UBE2E2: variants seen among roughly 807,000 people sequenced by gnomAD.
UBE2E2 encodes ubiquitin-conjugating enzyme E2 E2.
Under a neutral mutation model 24.7 loss-of-function variants are expected in UBE2E2, and 6 were observed. That is an observed-to-expected ratio of 0.24 (90% confidence interval 0.13 to 0.48). The LOEUF is 0.48. Among genes scored for constraint, UBE2E2 ranks in the 20% least tolerant of loss-of-function variants. UBE2E2 has a pLI of 0.99. For synonymous variants in UBE2E2, 104 were observed against 83.6 expected (o/e 1.24, Z -1.33); for missense variants, 169 against 245.0 (o/e 0.69, Z 2.07).
At chr3:23,560,392 G>A (rs1311110977) in intron 5 of UBE2E2, among the ~76,000 whole-genome samples, 1 of 152,116 alleles carries the variant, frequency 6.6e-6, no homozygotes, top group Admixed American at 6.5e-5. Context: ...CAAAGGACAT[G>A]AACTCATCCT....
chr3:23,283,146 A>G (rs921087833), intron 3 of UBE2E2, among the ~76,000 whole-genome samples: 1 of 152,124 alleles, frequency 6.6e-6, no homozygotes, highest in African/African-American at 2.4e-5. Context: ...ACCTTCCTGC[A>G]CTTGCTCCTG....
At chr3:23,234,224 T>G (rs1283340195) in intron 3 of UBE2E2, among the ~76,000 whole-genome samples, 2 of 152,060 alleles carry the variant, frequency 1.3e-5, no homozygotes, top group African/African-American at 4.8e-5. Flanking sequence ...TTTCTTTTTT[T>G]ATTCTCCAGT....
intron 3 of UBE2E2, among the ~76,000 whole-genome samples, chr3:23,457,287 G>GTTT (rs1698700348): frequency 6.6e-6 from 1 of 152,106 alleles, no homozygotes; most frequent in African/African-American, 2.4e-5. Context: ...GATCCAACTG[G>GTTT]TTTTTCTGGG....
chr3:23,534,556 A>C (rs1214976992), intron 5 of UBE2E2, among the ~76,000 whole-genome samples: 1 of 152,228 alleles, frequency 6.6e-6, no homozygotes, highest in Non-Finnish European at 1.5e-5. Context: ...TTAGTTTATC[A>C]CACTTTTTAA....
At chr3:23,468,818 A>G (rs902240770) in intron 3 of UBE2E2, among the ~76,000 whole-genome samples, 1 of 152,214 alleles carries the variant, frequency 6.6e-6, no homozygotes, top group Non-Finnish European at 1.5e-5. Context: ...CCTCATCTCT[A>G]AATTTAGCGT....
chr3:23,433,770 G>A (rs527698454), intron 3 of UBE2E2, among the ~76,000 whole-genome samples: 1 of 151,964 alleles, frequency 6.6e-6, no homozygotes, highest in East Asian at 1.9e-4. Context: ...TGGCCCATCA[G>A]TGATCTCTTT....
intron 4 of UBE2E2, among the ~76,000 whole-genome samples, chr3:23,516,409 C>T (rs1694742297): frequency 6.6e-6 from 1 of 152,118 alleles, no homozygotes; most frequent in African/African-American, 2.4e-5. Flanking sequence ...TTACCTTACT[C>T]AGTTGGTATT....
chr3:23,369,834 G>A (rs1173167049), intron 3 of UBE2E2, among the ~76,000 whole-genome samples: 1 of 152,040 alleles, frequency 6.6e-6, no homozygotes, highest in African/African-American at 2.4e-5. Flanking sequence ...TTATAATTCT[G>A]GTCTAGTGTG....
intron 3 of UBE2E2, among the ~76,000 whole-genome samples, chr3:23,400,616 A>ACACACACACACACACATACT (rs1226074312): frequency 8.9e-4 from 134 of 150,856 alleles, no homozygotes; most frequent in African/African-American, 1.3e-3. Flanking sequence ...AAACACACAC[A>ACACACACACACACACATACT]CACACACACA....
chr3:23,285,249 T>A (rs1269264325), intron 3 of UBE2E2, among the ~76,000 whole-genome samples: 1 of 152,222 alleles, frequency 6.6e-6, no homozygotes, highest in East Asian at 1.9e-4. Context: ...CCGTTGTGTA[T>A]GTGTCCATTT....
rs550945017 is a variant in UBE2E2 at position 23,258,753 on chromosome 3, C to T, written c.227+41441C>T. Among the ~76,000 whole-genome samples, 430 of 151,636 alleles carry T rather than the reference C, an allele frequency of 2.8e-3. 6 individuals are homozygous for T. Among genetic ancestry groups the T allele is most frequent in the South Asian group, 7.9e-3 (38 of 4,782 alleles). Reference sequence around the variant, plus strand: ...CTAAAAATACAAAAAATTAGCCGGGCGTGGTGGCGGGCGCCTGTAGTCCCA... The same window carrying T: ...CTAAAAATACAAAAAATTAGCCGGGTGTGGTGGCGGGCGCCTGTAGTCCCA... On this transcript the variant is annotated intron_variant, in intron 3 of 5. Coordinates refer to ENST00000396703, the MANE Select transcript of UBE2E2 (RefSeq NM_152653.4).
chr3:23,450,485 C>A (rs896736806), intron 3 of UBE2E2, among the ~76,000 whole-genome samples: 1 of 152,176 alleles, frequency 6.6e-6, no homozygotes, highest in South Asian at 2.1e-4. Context: ...TATAGATACA[C>A]CTCTTTACCT....
chr3:23,485,628 G>A (rs778520), intron 3 of UBE2E2, among the ~76,000 whole-genome samples: 31,701 of 152,120 alleles, frequency 0.21, 3,498 homozygotes, highest in East Asian at 0.36. Context: ...TAAAGCCACT[G>A]TTTCAGAGTA....
chr3:23,310,908 G>A (rs921599734), intron 3 of UBE2E2, among the ~76,000 whole-genome samples: 4 of 152,032 alleles, frequency 2.6e-5, no homozygotes, highest in Non-Finnish European at 5.9e-5. Context: ...TGCACAACAT[G>A]CAGGTTTGTT....
At chr3:23,485,543 A>G (rs1438389753) in intron 3 of UBE2E2, among the ~76,000 whole-genome samples, 2 of 152,134 alleles carry the variant, frequency 1.3e-5, no homozygotes, top group African/African-American at 4.8e-5. Context: ...AAACAAAAAC[A>G]AACAAAAAAA....
intron 3 of UBE2E2, among the ~76,000 whole-genome samples, chr3:23,297,565 G>T (rs1698947455): frequency 6.6e-6 from 1 of 152,152 alleles, no homozygotes; most frequent in African/African-American, 2.4e-5. Context: ...ATTAAATAGG[G>T]AATCCTTTCC....
chr3:23,317,212 C>G (rs527401815), intron 3 of UBE2E2, among the ~76,000 whole-genome samples: 1 of 152,294 alleles, frequency 6.6e-6, no homozygotes, highest in Admixed American at 6.5e-5. Flanking sequence ...GCCTAGACAG[C>G]CTTTCAAGTT....
intron 3 of UBE2E2, among the ~76,000 whole-genome samples, chr3:23,441,720 G>A (rs138519182): frequency 2.8e-4 from 42 of 152,144 alleles, no homozygotes; most frequent in African/African-American, 9.2e-4. Context: ...AAGTTATAGC[G>A]TATTCAGTAT....
At chr3:23,406,679 GT>G (rs932319245) in intron 3 of UBE2E2, among the ~76,000 whole-genome samples, 1 of 152,118 alleles carries the variant, frequency 6.6e-6, no homozygotes, top group African/African-American at 2.4e-5. Flanking sequence ...TATCTTTGAG[GT>G]TATCCCTCTT....
Sources: gnomAD v4.1 joint callset for allele counts (sites outside exome capture counted in the v4.1 genomes callset) on GRCh38, gnomAD v4.1.1 for gene constraint, MANE v1.5 for transcripts, NCBI Gene and HGNC (gene_info 2026-07-23, HGNC 2026-07-21) for gene names.